Variants in MYT1 observed in about 807,000 individuals in gnomAD.
MYT1 encodes myelin transcription factor 1.
Under a neutral mutation model 123.0 loss-of-function variants are expected in MYT1, and 23 were observed. The observed-to-expected ratio is 0.19, with a 90% CI of 0.13 to 0.26. MYT1 has a LOEUF of 0.26. Among genes scored for constraint, MYT1 ranks in the 10% least tolerant of loss-of-function variants. MYT1 has a pLI of 1.00. For synonymous variants in MYT1, 518 were observed against 575.3 expected (o/e 0.90, Z 1.43); for missense variants, 1,125 against 1,472.5 (o/e 0.76, Z 3.86).
chr20:64,170,934 G>GAGAGAC lies in MYT1; in HGVS notation c.-99+6196_-99+6197insGAGACA, dbSNP rs1364403671. On this transcript the variant is annotated intron_variant, in intron 1 of 22. Transcript: ENST00000328439. ...AGAGAGAGAGAGAGAGAGAGAGAGAGACGGAGTCTTGCTCTGTTGGCCTGG... is the reference window on the plus strand; with the variant it reads ...AGAGAGAGAGAGAGAGAGAGAGAGAGAGAGACACGGAGTCTTGCTCTGTTGGCCTGG... Among the ~76,000 whole-genome samples, 22 of 131,662 alleles carry GAGAGAC rather than the reference G, an allele frequency of 1.7e-4. 1 individual carries two copies. Among genetic ancestry groups the GAGAGAC allele is most frequent in the Non-Finnish European group, 3.2e-4 (20 of 61,572 alleles). The allele number at this position is 131,662 out of a possible 152,430, so 86.4% of individuals were successfully genotyped here. A position where few individuals can be genotyped will look rare whatever the true frequency, so the allele number is the denominator to read the frequency against.
Position 64,232,435 on chromosome 20 carries a change from C to A in MYT1, c.2897+50C>A. 1 of 1,569,768 alleles carries A rather than the reference C, an allele frequency of 6.4e-7. No individual in the cohort carries two copies. Among genetic ancestry groups the A allele is most frequent in the Non-Finnish European group, 8.7e-7 (1 of 1,143,018 alleles). On this transcript the variant is annotated intron_variant, in intron 19 of 22. Transcript: ENST00000328439. The surrounding 1 kb of genome is among the most constrained non-coding windows in gnomAD (Gnocchi z 6.9). ...CCTCTGTGCAGTCAGTAGGGACCCT[C>A]GCCTGGGGCCTGGGGCTGAAGCTCC...
chr20:64,187,971 G>A (rs1012019150), intron 1 of MYT1, among the ~76,000 whole-genome samples: 1 of 152,216 alleles, frequency 6.6e-6, no homozygotes, highest in African/African-American at 2.4e-5. Context: ...CTTTGGAGGA[G>A]CAGTTGATCC....
rs1397932717 is a variant in MYT1 at position 64,241,976 on chromosome 20, GTATT to G, written c.*1533_*1536del. Reference sequence around the variant, plus strand: ...CACGGATAACAGCAAATGGAATTCTGTATTTATTATTATTTAAGTGTAGCGCAGA... The same window carrying G: ...CACGGATAACAGCAAATGGAATTCTGTATTATTATTTAAGTGTAGCGCAGA... On this transcript the variant is annotated 3_prime_UTR_variant, in exon 23 of 23. Coordinates refer to ENST00000328439, the MANE Select transcript of MYT1 (RefSeq NM_004535.3). The surrounding 1 kb of genome is among the most constrained non-coding windows in gnomAD (Gnocchi z 4.2). The G allele has an allele frequency of 2.6e-5, 4 of 152,282 alleles. No homozygotes were observed. The East Asian group carries it at 7.7e-4, about 29-fold the overall frequency. 9.4% of individuals were successfully genotyped at this position (152,282 alleles called of 1,614,324 possible). A position where few individuals can be genotyped will look rare whatever the true frequency, so the allele number is the denominator to read the frequency against.
chr20:64,197,575 G>A (rs1321691698), intron 2 of MYT1, among the ~76,000 whole-genome samples: 4 of 152,236 alleles, frequency 2.6e-5, no homozygotes, highest in African/African-American at 9.6e-5. Context: ...TGGTGGTGGA[G>A]TCCAGTGCTC....
intron 1 of MYT1, 84 bp downstream of exon 1, chr20:64,164,823 C>A (rs1383952935): frequency 6.6e-6 from 1 of 152,050 alleles, no homozygotes; most frequent in Non-Finnish European, 1.5e-5. Flanking sequence ...GGAGAGGGCG[C>A]GCGGGCAGAG....
At chr20:64,197,452 T>C (rs2145708140) in intron 2 of MYT1, among the ~76,000 whole-genome samples, 1 of 152,316 alleles carries the variant, frequency 6.6e-6, no homozygotes, top group South Asian at 2.1e-4. Flanking sequence ...GCTACTTCTT[T>C]CCACTCCCCT....
At chr20:64,219,233 G>C (rs1298492900) in intron 12 of MYT1, among the ~76,000 whole-genome samples, 198 bp downstream of exon 12, 1 of 152,234 alleles carries the variant, frequency 6.6e-6, no homozygotes, top group African/African-American at 2.4e-5. Flanking sequence ...GGAGAACCTG[G>C]TGTGCTGAGT....
chr20:64,189,354 C>T lies in MYT1; in HGVS notation c.-98-709C>T. On this transcript the variant is annotated intron_variant, in intron 1 of 22. Transcript: ENST00000328439. The surrounding 1 kb of genome is among the most constrained non-coding windows in gnomAD (Gnocchi z 5.5). The stretch of plus-strand genomic sequence containing the variant: ...GGGAGTGACGTGCAGGGAATAGGTA[C>T]ACAATGCGTTTCTTTGTCATGTCCA... Among the ~76,000 whole-genome samples the T allele has an allele frequency of 6.6e-6, 1 of 152,198 alleles. No homozygotes were observed. Among genetic ancestry groups the T allele is most frequent in the East Asian group, 1.9e-4 (1 of 5,192 alleles).
intron 13 of MYT1, among the ~76,000 whole-genome samples, chr20:64,221,493 T>C (rs1199013708): frequency 6.6e-6 from 1 of 152,254 alleles, no homozygotes; most frequent in Non-Finnish European, 1.5e-5. Flanking sequence ...CTCATCTTCA[T>C]GGCATTTCGG....
intron 2 of MYT1, among the ~76,000 whole-genome samples, chr20:64,197,482 C>G (rs941113396): frequency 8.5e-5 from 13 of 152,178 alleles, no homozygotes; most frequent in African/African-American, 3.1e-4. Context: ...TTGACTACCT[C>G]ACGCATAGAG....
intron 7 of MYT1, among the ~76,000 whole-genome samples, chr20:64,209,509 G>A (rs1035467388): frequency 1.3e-5 from 2 of 152,200 alleles, no homozygotes; most frequent in African/African-American, 4.8e-5. Flanking sequence ...TCTTCTCCAG[G>A]TGGACGGGGG....
At chr20:64,169,267 A>G (rs931239676) in intron 1 of MYT1, among the ~76,000 whole-genome samples, 2 of 152,166 alleles carry the variant, frequency 1.3e-5, no homozygotes, top group Admixed American at 6.5e-5. Context: ...CTCGGACCGC[A>G]AACTGACAGC....
chr20:64,206,544 C>G (rs565945413), intron 6 of MYT1, among the ~76,000 whole-genome samples: 16 of 152,218 alleles, frequency 1.1e-4, no homozygotes, highest in African/African-American at 3.9e-4. Flanking sequence ...CCACTCCCCC[C>G]ACCATCCCCA....
chr20:64,187,103 CG>C (rs1375636739), intron 1 of MYT1, among the ~76,000 whole-genome samples: 1 of 148,592 alleles, frequency 6.7e-6, no homozygotes, highest in Non-Finnish European at 1.5e-5. Context: ...TCCATGTTTC[CG>C]TGGAGAGTTT....
chr20:64,180,964 T>C (rs1234682387), intron 1 of MYT1, among the ~76,000 whole-genome samples: 1 of 152,226 alleles, frequency 6.6e-6, no homozygotes, highest in Non-Finnish European at 1.5e-5. Context: ...TTTTTTATTC[T>C]TCTACTTCCT....
At chr20:64,178,922 C>G (rs1249858897) in intron 1 of MYT1, among the ~76,000 whole-genome samples, 3 of 134,414 alleles carry the variant, frequency 2.2e-5, no homozygotes, top group Non-Finnish European at 4.7e-5. Flanking sequence ...CGTGGGAGCA[C>G]TGAGCCGTTA....
At chr20:64,222,169 A>G (rs1178650564) in intron 14 of MYT1, 122 bp downstream of exon 14, 1 of 1,078,150 alleles carries the variant, frequency 9.3e-7, no homozygotes, top group African/African-American at 1.6e-5. Context: ...TGTCCTGACC[A>G]CCTCGAGCCA....
At position 64,218,907 on chromosome 20, in the gene MYT1, G is replaced by T; in HGVS notation, c.1847-4G>T. On this transcript the variant is annotated splice_region_variant and splice_polypyrimidine_tract_variant and intron_variant, in intron 11 of 22. Coordinates refer to ENST00000328439, the MANE Select transcript of MYT1 (RefSeq NM_004535.3). This position sits in a 1 kb window ranked among gnomAD's most constrained non-coding sequence, Gnocchi z 4.0. ...TGTGAGGAGCACTTCATCCTCTTCT[G>T]CAGGCTTTGACTACTCGCAGGACGC... The T allele has an allele frequency of 3.1e-6, 5 of 1,613,358 alleles. 1 individual carries two copies. The South Asian group carries it at 3.3e-5, about 11-fold the overall frequency.
chr20:64,172,636 C>T (rs1358948805), intron 1 of MYT1, among the ~76,000 whole-genome samples: 1 of 152,048 alleles, frequency 6.6e-6, no homozygotes, highest in Non-Finnish European at 1.5e-5. Context: ...AATTCCAGAG[C>T]AGGACCTCTT....
Sources: allele counts gnomAD v4.1 joint callset (sites outside exome capture counted in the v4.1 genomes callset), GRCh38; gene constraint gnomAD v4.1.1; non-coding constraint Gnocchi (gnomAD v3.1); transcripts MANE v1.5; gene names NCBI Gene and HGNC (gene_info 2026-07-23, HGNC 2026-07-21).